The following SHLD1 variants were observed in gnomAD, a reference collection of about 807,000 sequenced individuals.
The protein encoded by SHLD1 is shieldin complex subunit 1.
A neutral mutation model predicts 5.5 loss-of-function variants in SHLD1; 3 were observed. That is an observed-to-expected ratio of 0.54 (90% CI 0.25 to 1.40). The LOEUF is 1.40. Among genes scored for constraint, SHLD1 ranks in the 40% most tolerant of loss-of-function variants. The probability of loss-of-function intolerance (pLI) is 0.15; values close to 1 mark genes in which losing one functional copy is unlikely to be tolerated. For missense variants in SHLD1, 210 were observed against 244.4 expected (o/e 0.86, Z 0.94); for synonymous variants, 92 against 94.3 (o/e 0.98, Z 0.14).
chr20:5,802,893 C>A (rs973243573), intron 2 of SHLD1, among the ~76,000 whole-genome samples: 1 of 152,142 alleles, frequency 6.6e-6, no homozygotes, highest in African/African-American at 2.4e-5. Context: ...CTTGAGCTTT[C>A]TTTTAATGAT....
At chr20:5,789,039 C>G (rs6133264) in intron 2 of SHLD1, among the ~76,000 whole-genome samples, 44,215 of 151,844 alleles carry the variant, frequency 0.29, 6,408 homozygotes, top group Middle Eastern at 0.34. Context: ...GAGGCTGAGG[C>G]ATGAGATTCA....
intron 1 of SHLD1, 26 bp from the exon 2 acceptor site, chr20:5,772,836 G>A (rs1985239630): frequency 6.3e-7 from 1 of 1,593,496 alleles, no homozygotes; most frequent in Non-Finnish European, 8.6e-7. Flanking sequence ...CTTTTGTACT[G>A]AATTGTTTTC....
At chr20:5,752,680 G>A (rs1600079613) in intron 1 of SHLD1, among the ~76,000 whole-genome samples, 1 of 147,050 alleles carries the variant, frequency 6.8e-6, no homozygotes, top group Non-Finnish European at 1.5e-5. Context: ...GCAGTAGTGC[G>A]ATCTCGGCTC....
intron 1 of SHLD1, among the ~76,000 whole-genome samples, chr20:5,752,615 G>GT (rs776510495): frequency 0.13 from 15,628 of 120,558 alleles, 1,251 homozygotes; most frequent in African/African-American, 0.23. Flanking sequence ...ATATTTTGGG[G>GT]TTTTTTTTTT....
chr20:5,840,468 C>T (rs1026671137), intron 2 of SHLD1, among the ~76,000 whole-genome samples: 15 of 152,076 alleles, frequency 9.9e-5, no homozygotes, highest in African/African-American at 3.6e-4. Flanking sequence ...GGACATAGGA[C>T]CTTCATTTTT....
rs2088198570 is a variant in SHLD1 at position 5,864,072 on chromosome 20, A to C, written c.*609A>C. On this transcript the variant is annotated 3_prime_UTR_variant, in exon 3 of 3. Transcript: ENST00000303142. ...CATGTCATTGAGAATACATGTCCTA[A>C]AATAATATAAAGATTGAAATACAGT... 1.3e-5 allele frequency among the ~76,000 whole-genome samples: 2 copies of C among 152,182 alleles called. No individual in the cohort carries two copies. Among genetic ancestry groups the C allele is most frequent in the Non-Finnish European group, 2.9e-5 (2 of 68,024 alleles).
chr20:5,793,501 T>A (rs1332905022), intron 2 of SHLD1, among the ~76,000 whole-genome samples: 2 of 152,214 alleles, frequency 1.3e-5, no homozygotes, highest in Non-Finnish European at 2.9e-5. Flanking sequence ...AGCTTATCAA[T>A]CAATGCTTCT....
chr20:5,826,218 T>C (rs1326603587), intron 2 of SHLD1, among the ~76,000 whole-genome samples: 1 of 152,232 alleles, frequency 6.6e-6, no homozygotes, highest in Middle Eastern at 3.2e-3. Context: ...AATTAAGTTG[T>C]TTGTTGTTGA....
chr20:5,804,185 A>G (rs1028384862), intron 2 of SHLD1, among the ~76,000 whole-genome samples: 1 of 152,028 alleles, frequency 6.6e-6, no homozygotes, highest in African/African-American at 2.4e-5. Flanking sequence ...GTGGTGGCAC[A>G]TGCCTGTAAT....
At chr20:5,777,596 A>T (rs1434398608) in intron 2 of SHLD1, among the ~76,000 whole-genome samples, 3 of 106,380 alleles carry the variant, frequency 2.8e-5, no homozygotes, top group East Asian at 2.4e-4. Flanking sequence ...ATTAAAAAAA[A>T]TTTTATTTTT....
intron 1 of SHLD1, among the ~76,000 whole-genome samples, chr20:5,766,061 G>C (rs781347457): frequency 1.2e-4 from 18 of 152,136 alleles, no homozygotes; most frequent in Admixed American, 3.9e-4. Context: ...TATTGCTGAT[G>C]ACACTCTCAG....
At chr20:5,850,714 G>A (rs772064025) in intron 2 of SHLD1, among the ~76,000 whole-genome samples, 8 of 152,174 alleles carry the variant, frequency 5.3e-5, no homozygotes, top group Non-Finnish European at 1.2e-4. Flanking sequence ...GTTTCACCAT[G>A]TTGGCCAGAC....
At chr20:5,854,977 G>T (rs1246681230) in intron 2 of SHLD1, among the ~76,000 whole-genome samples, 1 of 150,640 alleles carries the variant, frequency 6.6e-6, no homozygotes, top group African/African-American at 2.5e-5. Flanking sequence ...GGACTCAAGT[G>T]ATCCTCCCAC....
chr20:5,827,550 A>G (rs2087680825), intron 2 of SHLD1, among the ~76,000 whole-genome samples: 1 of 151,098 alleles, frequency 6.6e-6, no homozygotes, highest in Admixed American at 6.6e-5. Context: ...GCCTTCACCC[A>G]CAGGCCCCCC....
At chr20:5,811,926 A>G (rs2087463994) in intron 2 of SHLD1, among the ~76,000 whole-genome samples, 1 of 152,042 alleles carries the variant, frequency 6.6e-6, no homozygotes, top group East Asian at 1.9e-4. Flanking sequence ...TGTATAACCC[A>G]AGGCGAGTTA....
intron 2 of SHLD1, among the ~76,000 whole-genome samples, chr20:5,799,307 C>G (rs1008084962): frequency 6.7e-6 from 1 of 149,224 alleles, no homozygotes; most frequent in African/African-American, 2.5e-5. Flanking sequence ...CTTTCTTTCT[C>G]TCTTTCTTTT....
intron 2 of SHLD1, among the ~76,000 whole-genome samples, chr20:5,862,373 G>T (rs2088174837): frequency 6.6e-6 from 1 of 152,258 alleles, no homozygotes. Flanking sequence ...CAGCTGAGGA[G>T]TAGGTGTCCT....
intron 2 of SHLD1, among the ~76,000 whole-genome samples, chr20:5,850,133 TAATAATAA>T (rs991478852): frequency 6.8e-6 from 1 of 147,420 alleles, no homozygotes; most frequent in African/African-American, 2.5e-5. Context: ...ATAATAATAA[TAATAATAA>T]TAATAATAAT....
At chr20:5,798,412 C>T (rs2087242163) in intron 2 of SHLD1, among the ~76,000 whole-genome samples, 1 of 151,054 alleles carries the variant, frequency 6.6e-6, no homozygotes. Context: ...ACACCATTGT[C>T]CTGCCTCAGC....
Sources: gnomAD v4.1 joint callset for allele counts (sites outside exome capture counted in the v4.1 genomes callset) on GRCh38, gnomAD v4.1.1 for gene constraint, MANE v1.5 for transcripts, NCBI Gene and HGNC (gene_info 2026-07-23, HGNC 2026-07-21) for gene names.